Variants in CFAP65 observed in about 807,000 individuals in gnomAD.
CFAP65 encodes cilia- and flagella-associated protein 65.
Under a neutral mutation model 208.0 loss-of-function variants are expected in CFAP65, and 155 were observed. That is an observed-to-expected ratio of 0.75 (90% CI 0.65 to 0.85). The LOEUF (loss-of-function observed/expected upper bound fraction) is 0.85, where lower values mean the gene tolerates loss of function less well. Among genes scored for constraint, CFAP65 ranks in the 40% least tolerant of loss-of-function variants. The probability of loss-of-function intolerance (pLI) is 0.00; values close to 1 mark genes in which losing one functional copy is unlikely to be tolerated. For missense variants in CFAP65, 2,294 were observed against 2,451.3 expected (o/e 0.94, Z 1.36); for synonymous variants, 970 against 986.3 (o/e 0.98, Z 0.31).
intron 2 of CFAP65, 26 bp downstream of exon 2, chr2:219,040,493 C>T (rs1443848978): frequency 9.9e-6 from 12 of 1,211,120 alleles, no homozygotes; most frequent in Admixed American, 2.0e-5. Context: ...GTGCTAGGCA[C>T]CAGACAAGGC....
rs1945741531 is a variant in CFAP65, at chr2:219,003,713, T to C, written c.5555+239A>G. ...TACAAGACTTTGCAGACTATAACAA[T>C]TCTCCTGGTAAGTTGGTAAATGTCA... is the stretch of plus-strand genomic sequence containing the variant. On this transcript the variant is annotated intron_variant, in intron 33 of 34. Coordinates refer to ENST00000341552, the MANE Select transcript of CFAP65 (RefSeq NM_194302.4). The surrounding 1 kb of genome is among the most constrained non-coding windows in gnomAD (Gnocchi z 4.4). 6.6e-6 allele frequency among the ~76,000 whole-genome samples: 1 copy of C among 152,152 alleles called. No individual in the cohort carries two copies. Among genetic ancestry groups the C allele is most frequent in the South Asian group, 2.1e-4 (1 of 4,828 alleles).
chr2:219,003,166 C>T lies in CFAP65; in HGVS notation c.5662G>A (p.Val1888Ile). Residue 1888 changes from valine (V) to isoleucine (I), a missense_variant, in exon 34 of 35, where the codon GTC becomes ATC. Coordinates refer to ENST00000341552, the MANE Select transcript of CFAP65 (RefSeq NM_194302.4). The surrounding 1 kb of genome is among the most constrained non-coding windows in gnomAD (Gnocchi z 4.4). ...ACGCAGAACGGCGGCAGGGCGATGACGCGTGGCCGCGAGGTGAGTACCACC... is the reference window on the plus strand; with the variant it reads ...ACGCAGAACGGCGGCAGGGCGATGATGCGTGGCCGCGAGGTGAGTACCACC... Reference protein sequence around the residue: ...GEVVLTSRPRVIALPPFCVPR... With the variant: ...GEVVLTSRPRIIALPPFCVPR... 1.3e-6 allele frequency: 2 copies of T among 1,545,446 alleles called. No homozygotes were observed. The highest frequency in any genetic ancestry group is 2.0e-5 in the Admixed American group (1 of 50,680).
At chr2:219,040,422 GAC>G (rs1689239337) in intron 2 of CFAP65, 95 bp downstream of exon 2, 4 of 754,948 alleles carry the variant, frequency 5.3e-6, no homozygotes, top group Non-Finnish European at 7.1e-6. Context: ...CTCTGGAGGG[GAC>G]TATCTAGATT....
chr2:219,016,245 T>TCTC (rs1268059958), intron 21 of CFAP65, among the ~76,000 whole-genome samples: 1 of 150,820 alleles, frequency 6.6e-6, no homozygotes, highest in Non-Finnish European at 1.5e-5. Context: ...TATTTCAGCC[T>TCTC]CTCCTTTGTC....
Position 219,006,497 on chromosome 2 carries a change from A to G in CFAP65, c.4687T>C (p.Cys1563Arg). The G allele has an allele frequency of 6.2e-7, 1 of 1,613,682 alleles. No individual in the cohort carries two copies. Among genetic ancestry groups the G allele is most frequent in the Non-Finnish European group, 8.5e-7 (1 of 1,179,982 alleles). The change falls in exon 30 of 35, where the codon TGC becomes CGC. Residue 1563 changes from cysteine (C) to arginine (R), a missense_variant. By Grantham distance (180) the Cys-to-Arg change is radical (BLOSUM62 -3). Coordinates refer to ENST00000341552, the MANE Select transcript of CFAP65 (RefSeq NM_194302.4). The part of the protein sequence containing the change: ...TDMKVKKRTC[C>R]TACEPARKYK... ...TTCCTCGCAGGTTCACAGGCTGTGC[A>G]GCATGTTCTCTTCTGTGGAAAAAGA... is the stretch of plus-strand genomic sequence containing the variant.
intron 1 of CFAP65, 72 bp from the exon 2 acceptor site, chr2:219,040,636 A>G (rs977442646): frequency 6.4e-7 from 1 of 1,551,660 alleles, no homozygotes; most frequent in Non-Finnish European, 8.7e-7. Flanking sequence ...CTGACTCATT[A>G]ATGCCTCTGA....
chr2:219,022,428 C>A (rs1947329636), intron 16 of CFAP65, 99 bp from the exon 17 acceptor site: 4 of 1,380,160 alleles, frequency 2.9e-6, no homozygotes, highest in Admixed American at 2.0e-5. Context: ...GCTACGTTAG[C>A]CCTTTCTCAG....
intron 31 of CFAP65, among the ~76,000 whole-genome samples, 189 bp downstream of exon 31, chr2:219,005,832 C>T (rs1210428864): frequency 1.3e-5 from 2 of 152,198 alleles, no homozygotes; most frequent in Non-Finnish European, 2.9e-5. Context: ...GCTCTGGCTG[C>T]TTTGTCCCCC....
intron 5 of CFAP65, chr2:219,035,263 T>A: frequency 7.0e-7 from 1 of 1,431,726 alleles, no homozygotes; most frequent in Non-Finnish European, 9.3e-7. Context: ...TCTGGATGAA[T>A]ACATTATGGT....
chr2:219,019,184 G>A lies in CFAP65; in HGVS notation c.3474-5C>T. The A allele has an allele frequency of 1.2e-6, 2 of 1,608,872 alleles. No individual in the cohort carries two copies. The highest frequency in any genetic ancestry group is 1.7e-6 in the Non-Finnish European group (2 of 1,176,760). On this transcript the variant is annotated splice_region_variant and splice_polypyrimidine_tract_variant and intron_variant, in intron 20 of 34. Transcript: ENST00000341552. ...ACGGGGGGGATCTGGCTCATGCTGT[G>A]AGGAACAGAGAAAGGGGTTCAGAGA...
rs191093707 is a variant in CFAP65, at chr2:219,029,370, C to T, written c.1650+33G>A. 2,673 of 1,594,430 alleles carry T rather than the reference C, an allele frequency of 1.7e-3. 5 individuals are homozygous for T. The highest frequency in any genetic ancestry group is 2.1e-3 in the Non-Finnish European group (2,474 of 1,168,276). On this transcript the variant is annotated intron_variant, in intron 11 of 34. Transcript: ENST00000341552. ...TCAGTGGGCCCCAGGGGAGCCCCTC[C>T]TCCCTCAGCCTCATGCCCTCCCCAC...
At position 219,004,560 on chromosome 2, in the gene CFAP65, G is replaced by A; in HGVS notation, c.5052-105C>T. Reference sequence around the variant, plus strand: ...CTAGGTGGGAAAGGGGCTGCTAGGTGGGGAGAGGGGAGCCCTTGGTCAGTT... The same window carrying A: ...CTAGGTGGGAAAGGGGCTGCTAGGTAGGGAGAGGGGAGCCCTTGGTCAGTT... On this transcript the variant is annotated intron_variant, in intron 32 of 34. Coordinates refer to ENST00000341552, the MANE Select transcript of CFAP65 (RefSeq NM_194302.4). This position sits in a 1 kb window ranked among gnomAD's most constrained non-coding sequence, Gnocchi z 4.7. 2 of 1,209,418 alleles carry A rather than the reference G, an allele frequency of 1.7e-6. No individual in the cohort carries two copies. Among genetic ancestry groups the A allele is most frequent in the Non-Finnish European group, 2.3e-6 (2 of 865,774 alleles). 74.9% of individuals were successfully genotyped at this position (1,209,418 alleles called of 1,614,324 possible).
Position 219,031,597 on chromosome 2 carries a change from C to G in CFAP65, c.707G>C (p.Arg236Pro), listed in dbSNP as rs754439325. 1.9e-6 allele frequency: 3 copies of G among 1,614,032 alleles called. No homozygotes were observed. Among genetic ancestry groups the G allele is most frequent in the African/African-American group, 2.7e-5 (2 of 74,930 alleles). The change falls in exon 7 of 35, where the codon CGG becomes CCG. Residue 236 changes from arginine (R) to proline (P), a missense_variant. Physicochemically the swap from Arg to Pro is moderately radical, Grantham distance 103. Coordinates refer to ENST00000341552, the MANE Select transcript of CFAP65 (RefSeq NM_194302.4). This position sits in a 1 kb window ranked among gnomAD's most constrained non-coding sequence, Gnocchi z 5.2. ...KAEGMFCVGL[R>P]ATLPCHRLIC... Reference sequence around the variant, plus strand: ...CAGCCTGTGGCAGGGCAGGGTGGCCCGTAGGCCGACACAGAACATCCCCTC... The same window carrying G: ...CAGCCTGTGGCAGGGCAGGGTGGCCGGTAGGCCGACACAGAACATCCCCTC...
chr2:219,011,463 T>C (rs1244263718), intron 24 of CFAP65, among the ~76,000 whole-genome samples: 1 of 151,932 alleles, frequency 6.6e-6, no homozygotes, highest in Admixed American at 6.6e-5. Flanking sequence ...ATATATTTTT[T>C]AGAGATGGGG....
In CFAP65 at chr2:219,027,916, G is replaced by T; in HGVS notation, c.1945C>A (p.Pro649Thr). The T allele has an allele frequency of 1.3e-6, 2 of 1,525,842 alleles. No homozygotes were observed. The highest frequency in any genetic ancestry group is 1.8e-6 in the Non-Finnish European group (2 of 1,136,854). The allele number at this position is 1,525,842 out of a possible 1,614,324, so 94.5% of individuals were successfully genotyped here. Residue 649 changes from proline (P) to threonine (T), a missense_variant, in exon 13 of 35, where the codon CCG becomes ACG. By Grantham distance (38) the Pro-to-Thr change is conservative. Transcript: ENST00000341552. ...TCGACAGGCTCTACACTGATGGGCG[G>T]GGGGAAGATGGTTATGTCGCTGGTG... ...DGTSDITIFP[P>T]PISVEPVEVD...
intron 14 of CFAP65, among the ~76,000 whole-genome samples, chr2:219,025,550 T>C (rs551170869): frequency 6.6e-6 from 1 of 152,276 alleles, no homozygotes; most frequent in African/African-American, 2.4e-5. Context: ...GCAGGGCTTC[T>C]AAGGGCCTTG....
intron 9 of CFAP65, 86 bp downstream of exon 9, chr2:219,030,603 A>AG (rs947003599): frequency 1.0e-5 from 16 of 1,526,258 alleles, no homozygotes; most frequent in Non-Finnish European, 6.2e-6. Flanking sequence ...ATGGAGAGAA[A>AG]GGGGGGGCAT....
chr2:219,016,577 G>C (rs962178616), intron 21 of CFAP65, among the ~76,000 whole-genome samples: 2 of 151,982 alleles, frequency 1.3e-5, no homozygotes, highest in Non-Finnish European at 2.9e-5. Context: ...TTACAGGCGT[G>C]AGCCACCAGG....
intron 18 of CFAP65, 77 bp from the exon 19 acceptor site, chr2:219,021,357 T>C: frequency 7.0e-7 from 1 of 1,429,482 alleles, no homozygotes; most frequent in Non-Finnish European, 9.2e-7. Context: ...TAGATACCCT[T>C]CCCTGGGCAC....
Sources: allele counts gnomAD v4.1 joint callset (sites outside exome capture counted in the v4.1 genomes callset), GRCh38; gene constraint gnomAD v4.1.1; non-coding constraint Gnocchi (gnomAD v3.1); transcripts MANE v1.5; gene names NCBI Gene and HGNC (gene_info 2026-07-23, HGNC 2026-07-21).